The following GRIA1 variants were observed in gnomAD, a reference collection of about 807,000 sequenced individuals.
GRIA1 encodes the protein glutamate ionotropic receptor AMPA type subunit 1, also known as glutamate receptor 1.
Under a neutral mutation model 99.2 loss-of-function variants are expected in GRIA1, and 31 were observed. The ratio of observed to expected loss-of-function variants is 0.31; its 90% CI spans 0.23 to 0.42. The LOEUF (loss-of-function observed/expected upper bound fraction) is 0.42. Among genes scored for constraint, GRIA1 ranks in the 10% least tolerant of loss-of-function variants. The pLI, the probability that GRIA1 is intolerant of heterozygous loss-of-function variation, is 1.00. For missense variants in GRIA1, 782 were observed against 1,157.5 expected, an observed-to-expected ratio of 0.68 and a Z score of 4.71; for synonymous variants, 438 against 432.4, an observed-to-expected ratio of 1.01 and a Z score of -0.16.
At chr5:153,620,663 A>C (rs532933323) in intron 2 of GRIA1, among the ~76,000 whole-genome samples, 2 of 152,202 alleles carry the variant, frequency 1.3e-5, no homozygotes, top group Non-Finnish European at 2.9e-5. Context: ...ACACTCTATC[A>C]GACTAGGGTT....
At chr5:153,775,417 C>A (rs1764158197) in intron 13 of GRIA1, among the ~76,000 whole-genome samples, 1 of 152,136 alleles carries the variant, frequency 6.6e-6, no homozygotes, top group Non-Finnish European at 1.5e-5. Flanking sequence ...CTTCTTTGGT[C>A]TCTGTGATCA....
intron 14 of GRIA1, among the ~76,000 whole-genome samples, chr5:153,796,541 G>A (rs916182396): frequency 2.0e-5 from 3 of 152,210 alleles, no homozygotes; most frequent in African/African-American, 7.2e-5. Context: ...CAGTGTTAAA[G>A]ATGATCAGCA....
chr5:153,785,070 A>C (rs1013847394), intron 13 of GRIA1, among the ~76,000 whole-genome samples: 2 of 152,188 alleles, frequency 1.3e-5, no homozygotes, highest in African/African-American at 4.8e-5. Context: ...TTTATCCTCC[A>C]CAGGCCTATG....
At chr5:153,642,651 AC>A (rs1170357309) in intron 2 of GRIA1, among the ~76,000 whole-genome samples, 8 of 148,926 alleles carry the variant, frequency 5.4e-5, no homozygotes, top group African/African-American at 1.5e-4. Context: ...AAAAAAAAAA[AC>A]AAAGAAGAAG....
At chr5:153,575,867 G>A (rs1762487770) in intron 2 of GRIA1, among the ~76,000 whole-genome samples, 1 of 152,244 alleles carries the variant, frequency 6.6e-6, no homozygotes, top group Non-Finnish European at 1.5e-5. Flanking sequence ...AGACAAGGGA[G>A]TGATGGATTT....
At chr5:153,585,360 G>T (rs1763389527) in intron 2 of GRIA1, among the ~76,000 whole-genome samples, 1 of 119,902 alleles carries the variant, frequency 8.3e-6, no homozygotes, top group East Asian at 3.0e-4. Flanking sequence ...CCAGGCTGGA[G>T]TACACTGTCG....
chr5:153,794,096 A>G (rs1343848006), intron 13 of GRIA1, among the ~76,000 whole-genome samples: 1 of 152,140 alleles, frequency 6.6e-6, no homozygotes, highest in Non-Finnish European at 1.5e-5. Context: ...ATGTGACTTG[A>G]TTAATAGAAT....
chr5:153,754,339 C>T (rs1165400069), intron 11 of GRIA1, among the ~76,000 whole-genome samples: 3 of 152,180 alleles, frequency 2.0e-5, no homozygotes, highest in African/African-American at 7.2e-5. Flanking sequence ...CTTCCCCTAG[C>T]TCTCCAGTTA....
intron 2 of GRIA1, among the ~76,000 whole-genome samples, chr5:153,536,768 C>T (rs1758609448): frequency 6.6e-6 from 1 of 152,148 alleles, no homozygotes; most frequent in South Asian, 2.1e-4. Flanking sequence ...TCTTAACTAA[C>T]TTGAGGTTAT....
intron 11 of GRIA1, among the ~76,000 whole-genome samples, chr5:153,731,216 C>G (rs1561810010): frequency 6.6e-6 from 1 of 151,714 alleles, no homozygotes; most frequent in East Asian, 1.9e-4. Flanking sequence ...CTCTTTCTCT[C>G]TGTCTCTCTT....
At chr5:153,585,999 G>C (rs1763452717) in intron 2 of GRIA1, among the ~76,000 whole-genome samples, 1 of 152,020 alleles carries the variant, frequency 6.6e-6, no homozygotes, top group Non-Finnish European at 1.5e-5. Context: ...TCAAGCATTT[G>C]CCAATTTTCA....
chr5:153,774,713 A>AGT (rs1367498861), intron 13 of GRIA1, among the ~76,000 whole-genome samples: 1 of 152,232 alleles, frequency 6.6e-6, no homozygotes, highest in Non-Finnish European at 1.5e-5. Flanking sequence ...TCTCCAAGAC[A>AGT]GATCACCCAG....
chr5:153,792,053 G>C (rs1359730403), intron 13 of GRIA1, among the ~76,000 whole-genome samples: 2 of 152,144 alleles, frequency 1.3e-5, no homozygotes, highest in Non-Finnish European at 2.9e-5. Context: ...ATCTGTTTGA[G>C]GAGACCCAGC....
In GRIA1 at chr5:153,512,461, C is replaced by T. The variant is rs1386821354; in HGVS notation, c.220+18396C>T. 2.6e-5 allele frequency among the ~76,000 whole-genome samples: 4 copies of T among 152,186 alleles called. No individual in the cohort carries two copies. The South Asian group carries it at 8.3e-4, about 32-fold the overall frequency. On this transcript the variant is annotated intron_variant, in intron 2 of 15. Transcript: ENST00000285900. The stretch of plus-strand genomic sequence containing the variant: ...AACAAACATATTTGGAAAGGTACTG[C>T]ATTTTCTATGGCCCAAGAGGCCAAA...
chr5:153,606,565 AT>A (rs200451245), intron 2 of GRIA1, among the ~76,000 whole-genome samples: 2,958 of 151,592 alleles, frequency 0.02, 64 homozygotes, highest in Admixed American at 0.059. Context: ...ATCTTCTTTT[AT>A]TTTTTTCAGT....
chr5:153,704,223 T>G (rs1463782671), intron 10 of GRIA1, among the ~76,000 whole-genome samples: 1 of 152,258 alleles, frequency 6.6e-6, no homozygotes, highest in Non-Finnish European at 1.5e-5. Context: ...GTCAGCACCC[T>G]GACCTGCATA....
At chr5:153,665,440 T>A (rs755745212) in intron 5 of GRIA1, among the ~76,000 whole-genome samples, 4 of 152,212 alleles carry the variant, frequency 2.6e-5, no homozygotes, top group Non-Finnish European at 4.4e-5. Flanking sequence ...CAATACCTTG[T>A]TTAATTAGAG....
chr5:153,776,841 C>T (rs1183422787), intron 13 of GRIA1, among the ~76,000 whole-genome samples: 1 of 152,146 alleles, frequency 6.6e-6, no homozygotes, highest in East Asian at 1.9e-4. Flanking sequence ...AGTTGCTCAT[C>T]CCCCATACTG....
intron 11 of GRIA1, among the ~76,000 whole-genome samples, chr5:153,708,489 A>G (rs1241550147): frequency 6.6e-6 from 1 of 152,042 alleles, no homozygotes; most frequent in African/African-American, 2.4e-5. Context: ...TCATAAAACA[A>G]CTCTACTCTA....
Sources: gnomAD v4.1 joint callset for allele counts (sites outside exome capture counted in the v4.1 genomes callset) on GRCh38, gnomAD v4.1.1 for gene constraint, MANE v1.5 for transcripts, NCBI Gene and HGNC (gene_info 2026-07-23, HGNC 2026-07-21) for gene names.